The following MX1 variants were observed in gnomAD, a reference collection of about 807,000 sequenced individuals.
The protein encoded by MX1 is MX dynamin like GTPase 1.
A neutral mutation model predicts 66.4 loss-of-function variants in MX1; 66 were observed. The observed-to-expected ratio is 0.99, with a 90% confidence interval of 0.82 to 1.22. MX1 has a LOEUF of 1.22. Among genes scored for constraint, MX1 ranks in the 50% most tolerant of loss-of-function variants. The pLI, the probability that MX1 is intolerant of heterozygous loss-of-function variation, is 0.00. For missense variants in MX1, 787 were observed against 834.3 expected, an observed-to-expected ratio of 0.94 and a Z score of 0.70; for synonymous variants, 311 against 318.1, an observed-to-expected ratio of 0.98 and a Z score of 0.24.
At position 41,458,417 on chromosome 21, in the gene MX1, G is replaced by A. The variant is rs1056440352; in HGVS notation, c.1759-111G>A. ...ACCCAGGGGAAGGTCATTGCCCTGC[G>A]AGGGTCTCCCTCATTGAGAATCTGG... On this transcript the variant is annotated intron_variant, in intron 16 of 16. Coordinates refer to ENST00000398598, the MANE Select transcript of MX1 (RefSeq NM_002462.5). 37 of 1,256,318 alleles carry A rather than the reference G, an allele frequency of 2.9e-5. 1 individual carries two copies. Among genetic ancestry groups the A allele is most frequent in the Middle Eastern group, 2.6e-4 (1 of 3,836 alleles). 77.8% of individuals were successfully genotyped at this position (1,256,318 alleles called of 1,614,324 possible).
At chr21:41,427,045 G>T (rs1212156326) in intron 1 of MX1, 161 bp from the exon 2 acceptor site, 3 of 152,328 alleles carry the variant, frequency 2.0e-5, no homozygotes, top group Non-Finnish European at 4.4e-5. Flanking sequence ...CTCACAGCAG[G>T]TGCTGCCGAG....
chr21:41,452,659 A>G lies in MX1; in HGVS notation c.1548A>G (p.Glu516=), dbSNP rs757430322. The G allele has an allele frequency of 5.0e-6, 8 of 1,614,164 alleles. No individual in the cohort carries two copies. In the South Asian group the frequency reaches 7.7e-5, roughly 16 times the overall value. The change falls in exon 16 of 17, where the codon GAA becomes GAG. Residue 516 remains glutamate, a synonymous_variant. Coordinates refer to ENST00000398598, the MANE Select transcript of MX1 (RefSeq NM_002462.5). ...ACATTAGAGCAGAACAAGAGAGAGA[A>G]GGTGAGAAGCTGATCCGCCTCCACT... ...IEDIRAEQER[E]GEKLIRLHFQ... is the part of the protein sequence containing the mutation.
chr21:41,437,319 G>A (rs772103478), intron 7 of MX1, among the ~76,000 whole-genome samples, 167 bp downstream of exon 7: 1 of 152,090 alleles, frequency 6.6e-6, no homozygotes, highest in Non-Finnish European at 1.5e-5. Context: ...TGACCAGCAC[G>A]CTTGGATATC....
In MX1 at chr21:41,441,445, CA is replaced by C. The variant is rs1287749287; in HGVS notation, c.731-267del. 1 of 530,746 alleles carries C rather than the reference CA, an allele frequency of 1.9e-6. No homozygotes were observed. Among genetic ancestry groups the C allele is most frequent in the African/African-American group, 1.9e-5 (1 of 52,618 alleles). 32.9% of individuals were successfully genotyped at this position (530,746 alleles called of 1,614,324 possible). A position where few individuals can be genotyped will look rare whatever the true frequency, so the allele number is the denominator to read the frequency against. On this transcript the variant is annotated intron_variant, in intron 9 of 16. Transcript: ENST00000398598. The surrounding 1 kb of genome is among the most constrained non-coding windows in gnomAD (Gnocchi z 4.0). Reference sequence around the variant, plus strand: ...GGATGTCCATAACTCAAGGGATAAACAAAACGTGGCGTGTTCTACAGTGGAC... The same window carrying C: ...GGATGTCCATAACTCAAGGGATAAACAAACGTGGCGTGTTCTACAGTGGAC...
At chr21:41,447,571 G>A (rs913970261) in intron 13 of MX1, among the ~76,000 whole-genome samples, 4 of 152,110 alleles carry the variant, frequency 2.6e-5, no homozygotes, top group African/African-American at 9.7e-5. Context: ...GGCTAGAACA[G>A]GCAAACCCAG....
rs1172620151 is a variant in MX1 at position 41,449,271 on chromosome 21, G to A, written c.1408G>A (p.Val470Met). The A allele has an allele frequency of 2.5e-6, 4 of 1,613,780 alleles. No individual in the cohort carries two copies. In the South Asian group the frequency reaches 3.3e-5, roughly 13 times the overall value. The change falls in exon 14 of 17, where the codon GTG becomes ATG. Residue 470 changes from valine (V) to methionine (M), a missense_variant. Transcript: ENST00000398598. ...AATCAAGGCACTGGAAGAGCCGGCT[G>A]TGGATATGCTACACACCGTGACGGG... ...QQIKALEEPA[V>M]DMLHTVTDMV...
At position 41,437,112 on chromosome 21, in the gene MX1, G is replaced by A. The variant is rs772030692; in HGVS notation, c.396G>A (p.Glu132=). ...TCAGTTACCAGGACTACGAGATTGA[G>A]ATTTCGGATGCTTCAGAGGTAGAAA... ...GKVSYQDYEI[E]ISDASEVEKE... is the part of the protein sequence containing the mutation. Residue 132 remains glutamate (E), a synonymous_variant, in exon 7 of 17, where the codon GAG becomes GAA. Coordinates refer to ENST00000398598, the MANE Select transcript of MX1 (RefSeq NM_002462.5). 6.2e-7 allele frequency: 1 copy of A among 1,614,042 alleles called. No homozygotes were observed. Among genetic ancestry groups the A allele is most frequent in the South Asian group, 1.1e-5 (1 of 91,076 alleles).
At chr21:41,448,127 G>A (rs1243031792) in intron 13 of MX1, among the ~76,000 whole-genome samples, 2 of 152,194 alleles carry the variant, frequency 1.3e-5, no homozygotes, top group Non-Finnish European at 2.9e-5. Flanking sequence ...TAAAAAAAGT[G>A]TTCTAGATTA....
Position 41,443,808 on chromosome 21 carries a change from A to T in MX1, c.950A>T (p.Lys317Met). Reference sequence around the variant, plus strand: ...TCTAGGGATCTGCTGGAGGAAGGAAAGGCCACGGTTCCCTGCCTGGCAGAA... The same window carrying T: ...TCTAGGGATCTGCTGGAGGAAGGAATGGCCACGGTTCCCTGCCTGGCAGAA... Reference protein sequence around the residue: ...PYFRDLLEEGKATVPCLAEKL... With the variant: ...PYFRDLLEEGMATVPCLAEKL... Residue 317 changes from lysine to methionine, a missense_variant, in exon 11 of 17, where the codon AAG (lysine) becomes ATG (methionine). Coordinates refer to ENST00000398598, the MANE Select transcript of MX1 (RefSeq NM_002462.5). The T allele has an allele frequency of 1.2e-6, 2 of 1,614,252 alleles. No individual in the cohort carries two copies. The highest frequency in any genetic ancestry group is 1.7e-6 in the Non-Finnish European group (2 of 1,180,034).
chr21:41,456,755 T>C (rs2146378803), intron 16 of MX1, among the ~76,000 whole-genome samples: 1 of 151,782 alleles, frequency 6.6e-6, no homozygotes, highest in South Asian at 2.1e-4. Flanking sequence ...TTGTTGGTTT[T>C]TTTTGTTTGT....
rs2090847033 is a variant in MX1, at chr21:41,452,088, G to A, written c.1510-533G>A. ...CTGATAAGGCCTTCCTCAGAAGGTT[G>A]AGATGGACGTGGAGTAAGATGTTTA... is the stretch of plus-strand genomic sequence containing the variant. On this transcript the variant is annotated intron_variant, in intron 15 of 16. Transcript: ENST00000398598. Among the ~76,000 whole-genome samples, 4 of 152,132 alleles carry A rather than the reference G, an allele frequency of 2.6e-5. No individual in the cohort carries two copies. The South Asian group carries it at 8.3e-4, about 31-fold the overall frequency.
rs1223821802 is a variant in MX1 at position 41,441,246 on chromosome 21, T to C, written c.730+221T>C. On this transcript the variant is annotated intron_variant, in intron 9 of 16. Transcript: ENST00000398598. The surrounding 1 kb of genome is among the most constrained non-coding windows in gnomAD (Gnocchi z 4.0). ...GTGGGGACCTGCCTCCACTAAGACC[T>C]GCTAAGGGAGCAGGTTTGGTGCCCA... 2 of 601,298 alleles carry C rather than the reference T, an allele frequency of 3.3e-6. No individual in the cohort carries two copies. The highest frequency in any genetic ancestry group is 5.5e-6 in the Non-Finnish European group (2 of 361,252). The allele number at this position is 601,298 out of a possible 1,614,324, so 37.2% of individuals were successfully genotyped here.
Position 41,441,805 on chromosome 21 carries a change from G to A in MX1, c.820G>A (p.Gly274Ser). 1 of 1,614,180 alleles carries A rather than the reference G, an allele frequency of 6.2e-7. No individual in the cohort carries two copies. The change falls in exon 10 of 17, where the codon GGT becomes AGT. Residue 274 changes from glycine (G) to serine (S), a missense_variant. Transcript: ENST00000398598. The surrounding 1 kb of genome is among the most constrained non-coding windows in gnomAD (Gnocchi z 4.0). Reference protein sequence around the residue: ...VRNLVFHLKKGYMIVKCRGQQ... With the variant: ...VRNLVFHLKKSYMIVKCRGQQ... ...GAACCTCGTGTTCCACCTGAAGAAGGGTTACATGATTGTCAAGTGCCGGGG... is the reference window on the plus strand; with the variant it reads ...GAACCTCGTGTTCCACCTGAAGAAGAGTTACATGATTGTCAAGTGCCGGGG...
chr21:41,438,926 T>G (rs1032559480), intron 7 of MX1, among the ~76,000 whole-genome samples: 1 of 152,182 alleles, frequency 6.6e-6, no homozygotes, highest in Non-Finnish European at 1.5e-5. Context: ...AAGTCCGCTT[T>G]GAAGCCAGCT....
chr21:41,439,866 T>C lies in MX1; in HGVS notation c.591+18T>C. ...GGTATAAGGTCAGACTTCAGACCCA[T>C]TCTGACCTTGGCCGTGGCGTGGGGA... On this transcript the variant is annotated intron_variant, in intron 8 of 16. Transcript: ENST00000398598. 6.2e-7 allele frequency: 1 copy of C among 1,609,016 alleles called. No individual in the cohort carries two copies. Among genetic ancestry groups the C allele is most frequent in the Non-Finnish European group, 8.5e-7 (1 of 1,176,252 alleles).
chr21:41,441,837 G>A lies in MX1; in HGVS notation c.852G>A (p.Gln284=). 1.2e-6 allele frequency: 2 copies of A among 1,614,198 alleles called. No individual in the cohort carries two copies. The highest frequency in any genetic ancestry group is 1.7e-6 in the Non-Finnish European group (2 of 1,180,040). The change falls in exon 10 of 17, where the codon CAG becomes CAA. Residue 284 remains glutamine (Q), a synonymous_variant. Transcript: ENST00000398598. This position sits in a 1 kb window ranked among gnomAD's most constrained non-coding sequence, Gnocchi z 4.0. ...GYMIVKCRGQ[Q]EIQDQLSLSE... is the part of the protein sequence containing the mutation. Reference sequence around the variant, plus strand: ...TGATTGTCAAGTGCCGGGGCCAGCAGGAGATCCAGGACCAGCTGAGCCTGT... The same window carrying A: ...TGATTGTCAAGTGCCGGGGCCAGCAAGAGATCCAGGACCAGCTGAGCCTGT...
At chr21:41,455,331 C>T (rs1056885454) in intron 16 of MX1, among the ~76,000 whole-genome samples, 15 of 152,352 alleles carry the variant, frequency 9.8e-5, no homozygotes, top group Middle Eastern at 3.4e-3. Flanking sequence ...GCTGCATGCA[C>T]GTGAGTGAAG....
Position 41,439,812 on chromosome 21 carries a change from G to C in MX1, c.555G>C (p.Val185=). 6.2e-7 allele frequency: 1 copy of C among 1,614,030 alleles called. No homozygotes were observed. Among genetic ancestry groups the C allele is most frequent in the Non-Finnish European group, 8.5e-7 (1 of 1,179,972 alleles). The change falls in exon 8 of 17, where the codon GTG becomes GTC. Residue 185 remains valine (V), a synonymous_variant. Coordinates refer to ENST00000398598, the MANE Select transcript of MX1 (RefSeq NM_002462.5). ...TAGACCTTCCTGGCATAACCAGAGTGGCTGTGGGCAATCAGCCTGCTGACA... is the reference window on the plus strand; with the variant it reads ...TAGACCTTCCTGGCATAACCAGAGTCGCTGTGGGCAATCAGCCTGCTGACA... ...TLIDLPGITR[V]AVGNQPADIG... is the part of the protein sequence containing the mutation.
chr21:41,443,691 C>CAACT, intron 10 of MX1, 97 bp from the exon 11 acceptor site: 1 of 1,042,192 alleles, frequency 9.6e-7, no homozygotes, highest in South Asian at 1.3e-5. Flanking sequence ...CAGTTGTAAG[C>CAACT]AACTGAAATT....
Sources: gnomAD v4.1 joint callset for allele counts (sites outside exome capture counted in the v4.1 genomes callset) on GRCh38, gnomAD v4.1.1 for gene constraint, Gnocchi (gnomAD v3.1) non-coding constraint, MANE v1.5 for transcripts, NCBI Gene and HGNC (gene_info 2026-07-23, HGNC 2026-07-21) for gene names.